CAMK2D: variants seen among roughly 807,000 people sequenced by gnomAD.
CAMK2D encodes the protein calcium/calmodulin dependent protein kinase II delta.
Under a neutral mutation model 84.0 loss-of-function variants are expected in CAMK2D, and 37 were observed. The ratio of observed to expected loss-of-function variants is 0.44; its 90% CI spans 0.34 to 0.58. The LOEUF (loss-of-function observed/expected upper bound fraction) is 0.58. Among genes scored for constraint, CAMK2D ranks in the 20% least tolerant of loss-of-function variants. CAMK2D has a pLI of 0.02. For missense variants in CAMK2D, 448 were observed against 652.5 expected, an observed-to-expected ratio of 0.69 and a Z score of 3.41; for synonymous variants, 202 against 212.5, an observed-to-expected ratio of 0.95 and a Z score of 0.43.
intron 14 of CAMK2D, 178 bp from the exon 15 acceptor site, chr4:113,503,155 C>A (rs570653725): frequency 6.9e-6 from 5 of 721,214 alleles, no homozygotes; most frequent in Non-Finnish European, 7.6e-6. Flanking sequence ...ATCTCCCTGG[C>A]GAGGCCATGA....
At chr4:113,574,332 T>C (rs1726528504) in intron 4 of CAMK2D, among the ~76,000 whole-genome samples, 1 of 152,256 alleles carries the variant, frequency 6.6e-6, no homozygotes, top group Admixed American at 6.5e-5. Context: ...TATTGTTCAA[T>C]GCAGTGCAAT....
At chr4:113,726,755 A>G (rs941180219) in intron 2 of CAMK2D, among the ~76,000 whole-genome samples, 6 of 152,104 alleles carry the variant, frequency 3.9e-5, no homozygotes, top group Non-Finnish European at 5.9e-5. Flanking sequence ...TAGTGATCAC[A>G]TATCAGCTTA....
chr4:113,649,126 T>C (rs2099162911), intron 3 of CAMK2D, among the ~76,000 whole-genome samples: 1 of 152,164 alleles, frequency 6.6e-6, no homozygotes, highest in Non-Finnish European at 1.5e-5. Flanking sequence ...AGCTTTGCCC[T>C]CCTTGCCATC....
intron 2 of CAMK2D, among the ~76,000 whole-genome samples, chr4:113,687,897 A>G (rs566633775): frequency 6.6e-6 from 1 of 152,310 alleles, no homozygotes; most frequent in South Asian, 2.1e-4. Context: ...ATTTTAAGAT[A>G]CTTCTCTGTT....
chr4:113,558,716 T>C (rs1227684661), intron 4 of CAMK2D, among the ~76,000 whole-genome samples: 1 of 152,152 alleles, frequency 6.6e-6, no homozygotes, highest in Non-Finnish European at 1.5e-5. Context: ...ACTTATAAAA[T>C]ACTGATTTTG....
chr4:113,653,478 C>T (rs2099184524), intron 3 of CAMK2D, among the ~76,000 whole-genome samples: 1 of 152,000 alleles, frequency 6.6e-6, no homozygotes, highest in South Asian at 2.1e-4. Context: ...ATTACTTACT[C>T]TTGTTTGATT....
intron 16 of CAMK2D, among the ~76,000 whole-genome samples, chr4:113,496,362 A>AAAC (rs2097930748): frequency 6.6e-6 from 1 of 152,190 alleles, no homozygotes; most frequent in African/African-American, 2.4e-5. Flanking sequence ...TGTAAGAAGA[A>AAAC]AACTTTTTTT....
intron 4 of CAMK2D, among the ~76,000 whole-genome samples, chr4:113,555,229 A>G (rs1342236456): frequency 6.6e-6 from 1 of 152,160 alleles, no homozygotes; most frequent in Non-Finnish European, 1.5e-5. Context: ...TGGGATTTAA[A>G]AAATAAAATG....
chr4:113,724,239 T>A (rs78203281), intron 2 of CAMK2D, among the ~76,000 whole-genome samples: 1 of 152,056 alleles, frequency 6.6e-6, no homozygotes, highest in South Asian at 2.1e-4. Flanking sequence ...AATACAAATT[T>A]GTTTTGTTAA....
At chr4:113,551,907 C>T (rs1345377986) in intron 5 of CAMK2D, 124 bp downstream of exon 5, 4 of 455,824 alleles carry the variant, frequency 8.8e-6, no homozygotes, top group African/African-American at 8.1e-5. Flanking sequence ...TTTTTTTTCT[C>T]TAAGAATCAT....
intron 3 of CAMK2D, among the ~76,000 whole-genome samples, chr4:113,656,961 C>T (rs1482377124): frequency 6.6e-6 from 1 of 152,122 alleles, no homozygotes; most frequent in African/African-American, 2.4e-5. Context: ...CCTTTGATAT[C>T]TCATCAAGGT....
chr4:113,483,667 A>G (rs2097730180), intron 16 of CAMK2D, among the ~76,000 whole-genome samples: 1 of 152,076 alleles, frequency 6.6e-6, no homozygotes, highest in South Asian at 2.1e-4. Flanking sequence ...CAGCCTCCCA[A>G]AGTGCTGGGA....
intron 2 of CAMK2D, among the ~76,000 whole-genome samples, chr4:113,735,099 G>A (rs1303679942): frequency 6.6e-6 from 1 of 151,350 alleles, no homozygotes; most frequent in Non-Finnish European, 1.5e-5. Flanking sequence ...AATACCGATA[G>A]CATATAAGAG....
intron 9 of CAMK2D, 102 bp from the exon 10 acceptor site, chr4:113,515,293 T>C: frequency 1.4e-6 from 1 of 725,932 alleles, no homozygotes; most frequent in Non-Finnish European, 2.2e-6. Flanking sequence ...GTGAATTTCT[T>C]CATAAATTTA....
intron 12 of CAMK2D, among the ~76,000 whole-genome samples, chr4:113,512,626 G>T (rs2098230715): frequency 6.6e-6 from 1 of 152,152 alleles, no homozygotes; most frequent in Non-Finnish European, 1.5e-5. Context: ...AGGCTGGAGT[G>T]CAGTGGCGTG....
At chr4:113,733,081 A>G in intron 2 of CAMK2D, among the ~76,000 whole-genome samples, 1 of 152,156 alleles carries the variant, frequency 6.6e-6, no homozygotes, top group Non-Finnish European at 1.5e-5. Flanking sequence ...GAGAAAGGTG[A>G]GGTAGACTAG....
intron 3 of CAMK2D, among the ~76,000 whole-genome samples, chr4:113,629,347 T>A (rs919919869): frequency 3.9e-5 from 6 of 151,906 alleles, no homozygotes; most frequent in Non-Finnish European, 7.4e-5. Flanking sequence ...TAGACTCAAA[T>A]TTTTTTAAAT....
intron 6 of CAMK2D, among the ~76,000 whole-genome samples, chr4:113,546,528 G>A (rs1229622557): frequency 6.6e-6 from 1 of 152,130 alleles, no homozygotes; most frequent in Non-Finnish European, 1.5e-5. Flanking sequence ...TCATGTAATT[G>A]GTTTAGAGAT....
chr4:113,483,399 C>A (rs965141142), intron 16 of CAMK2D, among the ~76,000 whole-genome samples: 1 of 151,406 alleles, frequency 6.6e-6, no homozygotes, highest in Non-Finnish European at 1.5e-5. Context: ...GCAGCTATAT[C>A]CTTATGCTTC....
Sources: gnomAD v4.1 joint callset for allele counts (sites outside exome capture counted in the v4.1 genomes callset) on GRCh38, gnomAD v4.1.1 for gene constraint, MANE v1.5 for transcripts, NCBI Gene and HGNC (gene_info 2026-07-23, HGNC 2026-07-21) for gene names.